The following ADA2 variants were observed in gnomAD, a reference collection of about 807,000 sequenced individuals.
ADA2 encodes the protein adenosine deaminase 2, also known as adenosine deaminase CECR1.
In ADA2, 29 loss-of-function variants were observed where a neutral mutation model predicts 44.2. The observed-to-expected ratio is 0.66, with a 90% CI of 0.49 to 0.89. The LOEUF (loss-of-function observed/expected upper bound fraction) is 0.89, where lower values mean the gene tolerates loss of function less well. Ranked by LOEUF, ADA2 falls within the 40% of genes least tolerant of loss-of-function variation. The pLI is 0.00. For synonymous variants in ADA2, 215 were observed against 234.9 expected, an observed-to-expected ratio of 0.92 and a Z score of 0.77; for missense variants, 637 against 644.8, an observed-to-expected ratio of 0.99 and a Z score of 0.13.
intron 1 of ADA2, among the ~76,000 whole-genome samples, chr22:17,217,520 T>C (rs2062485050): frequency 6.6e-6 from 1 of 152,222 alleles, no homozygotes; most frequent in Admixed American, 6.5e-5. Context: ...ACCTGGGTTA[T>C]CTATTTGAAT....
At chr22:17,192,989 C>A in intron 4 of ADA2, 2 of 632,090 alleles carry the variant, frequency 3.2e-6, no homozygotes, top group Non-Finnish European at 5.8e-6. Context: ...ACCAATACGT[C>A]AAAATTAACC....
chr22:17,181,445 G>T lies in ADA2; in HGVS notation c.*38C>A. On this transcript the variant is annotated 3_prime_UTR_variant, in exon 10 of 10. Transcript: ENST00000399837. ...CGAGTGAGAGGAAGTGACAGCGTGT[G>T]CAAGAAGACAGCTTGTAGAGGGCTG... 1 of 1,322,814 alleles carries T rather than the reference G, an allele frequency of 7.6e-7. No individual in the cohort carries two copies. The highest frequency in any genetic ancestry group is 1.1e-6 in the Non-Finnish European group (1 of 914,020). The allele number at this position is 1,322,814 out of a possible 1,614,324, so 81.9% of individuals were successfully genotyped here.
chr22:17,188,692 A>T, intron 6 of ADA2: 1 of 278,334 alleles, frequency 3.6e-6, no homozygotes, highest in South Asian at 5.4e-5. Flanking sequence ...ATCCTGGCTA[A>T]CACAGTGAAA....
intron 1 of ADA2, among the ~76,000 whole-genome samples, chr22:17,210,596 T>A (rs1272521406): frequency 6.6e-6 from 1 of 152,054 alleles, no homozygotes; most frequent in East Asian, 1.9e-4. Context: ...ATTTTATTTA[T>A]TTTAATTTTT....
intron 4 of ADA2, chr22:17,199,440 T>TTCCCCTCCCACCCCTCCACTATACACA: frequency 9.7e-7 from 1 of 1,027,942 alleles, no homozygotes; most frequent in Non-Finnish European, 1.5e-6. Context: ...CTCTATCCTC[T>TTCCCCTCCCACCCCTCCACTATACACA]TCCCCTCCAC....
In ADA2 at chr22:17,192,024, C is replaced by T. The variant is rs554581230; in HGVS notation, c.754-214G>A. 2.6e-5 allele frequency among the ~76,000 whole-genome samples: 4 copies of T among 151,688 alleles called. No homozygotes were observed. The South Asian group carries it at 6.3e-4, about 24-fold the overall frequency. On this transcript the variant is annotated intron_variant, in intron 4 of 9. Transcript: ENST00000399837. ...CAGTCAACTCCTTCCCAGCCATCAA[C>T]GAGCTCTGGGAAAAGTAGATGGGGT...
chr22:17,208,838 A>ATTTTTTTTTTTTTTTTTT (rs796662081), intron 2 of ADA2, among the ~76,000 whole-genome samples: 5 of 142,908 alleles, frequency 3.5e-5, no homozygotes, highest in African/African-American at 1.1e-4. Context: ...AAAAATTAAC[A>ATTTTTTTTTTTTTTTTTT]TTTTTTGGGG....
intron 9 of ADA2, 44 bp downstream of exon 9, chr22:17,181,776 G>A (rs769257505): frequency 1.3e-6 from 2 of 1,534,424 alleles, no homozygotes; most frequent in Admixed American, 1.7e-5. Context: ...ACAAGCTGCG[G>A]GCTGGAAGGA....
chr22:17,185,948 C>T (rs563412810), intron 7 of ADA2, among the ~76,000 whole-genome samples: 10 of 152,258 alleles, frequency 6.6e-5, no homozygotes, highest in African/African-American at 2.4e-4. Context: ...AAATTGCAGC[C>T]GTGATCTTTC....
rs1324070678 is a variant in ADA2 at position 17,207,175 on chromosome 22, G to C, written c.438C>G (p.Phe146Leu). ...GACGGGGAGTTGGGTGAGCAAATCT[G>C]AACTGCATGATCCCCCTTGGGGTGA... ...ICFTPRGIMQ[F>L]RFAHPTPRPS... Residue 146 changes from phenylalanine (F) to leucine (L), a missense_variant, in exon 3 of 10, where the codon TTC becomes TTG. By Grantham distance (22) the Phe-to-Leu change is conservative. Transcript: ENST00000399837. 1 of 1,614,196 alleles carries C rather than the reference G, an allele frequency of 6.2e-7. No homozygotes were observed. Among genetic ancestry groups the C allele is most frequent in the Non-Finnish European group, 8.5e-7 (1 of 1,180,006 alleles).
At chr22:17,197,275 T>C (rs957618201) in intron 4 of ADA2, among the ~76,000 whole-genome samples, 1 of 151,592 alleles carries the variant, frequency 6.6e-6, no homozygotes, top group African/African-American at 2.4e-5. Context: ...TTTTCTTTTT[T>C]TTTTTTGTCT....
At position 17,203,600 on chromosome 22, in the gene ADA2, T is replaced by A. The variant is rs1169590762; in HGVS notation, c.716A>T (p.Asn239Ile). The A allele has an allele frequency of 6.2e-7, 1 of 1,613,224 alleles. No homozygotes were observed. The highest frequency in any genetic ancestry group is 8.5e-7 in the Non-Finnish European group (1 of 1,180,008). The change falls in exon 4 of 10, where the codon AAC becomes ATC. Residue 239 changes from asparagine to isoleucine, a missense_variant. Asn to Ile is a moderately radical substitution (Grantham distance 149). Transcript: ENST00000399837. ...GGCTCTGATCTCCATGTAGAGCACGTTGTCCTCGTAGAACTCCTGCATGCT... is the reference window on the plus strand; with the variant it reads ...GGCTCTGATCTCCATGTAGAGCACGATGTCCTCGTAGAACTCCTGCATGCT... ...FRSMQEFYED[N>I]VLYMEIRARL...
rs139099560 is a variant in ADA2 at position 17,206,478 on chromosome 22, AAAT to A, written c.542+590_542+592del. Among the ~76,000 whole-genome samples the A allele has an allele frequency of 5.5e-3, 843 of 152,140 alleles. 5 individuals carry two copies. The highest frequency in any genetic ancestry group is 0.019 in the African/African-American group (800 of 41,492). ...GGGTGACAGAGCAAGACCCTGTCTC[AAAT>A]AATAATAATAATAAATAACAATAAT... On this transcript the variant is annotated intron_variant, in intron 3 of 9. Coordinates refer to ENST00000399837, the MANE Select transcript of ADA2 (RefSeq NM_001282225.2).
At position 17,180,529 on chromosome 22, in the gene ADA2, T is replaced by C. The variant is rs1046237733; in HGVS notation, c.*954A>G. The C allele has an allele frequency of 2.0e-5, 3 of 152,204 alleles. No individual in the cohort carries two copies. The highest frequency in any genetic ancestry group is 2.9e-5 in the Non-Finnish European group (2 of 68,076). 9.4% of individuals were successfully genotyped at this position (152,204 alleles called of 1,614,324 possible). A position where few individuals can be genotyped will look rare whatever the true frequency, so the allele number is the denominator to read the frequency against. On this transcript the variant is annotated 3_prime_UTR_variant, in exon 10 of 10. Transcript: ENST00000399837. ...GAAAGGTTTAAAGGGCTGAGTGTGG[T>C]GGCTCATGTCAGTAATCCCAGCACT...
chr22:17,183,179 G>A (rs1568967408), intron 7 of ADA2, among the ~76,000 whole-genome samples: 2 of 152,048 alleles, frequency 1.3e-5, no homozygotes, highest in South Asian at 2.1e-4. Flanking sequence ...CACCTCCCAG[G>A]TTCAAACAAT....
chr22:17,214,139 G>A (rs2123728028), intron 1 of ADA2: 1 of 732,326 alleles, frequency 1.4e-6, no homozygotes, highest in Non-Finnish European at 2.4e-6. Context: ...TACATTCCCA[G>A]AGTCAGCTGG....
chr22:17,213,953 C>T (rs1228417825), intron 1 of ADA2: 6 of 325,262 alleles, frequency 1.8e-5, no homozygotes, highest in Non-Finnish European at 2.9e-5. Flanking sequence ...GCAGGAGAAT[C>T]GCTTGAACCC....
chr22:17,201,904 A>G (rs2062291571), intron 4 of ADA2, among the ~76,000 whole-genome samples: 1 of 138,302 alleles, frequency 7.2e-6, no homozygotes, highest in Non-Finnish European at 1.6e-5. Context: ...GACTCTTTCT[A>G]CTCCTTTCCA....
upstream of ADA2, among the ~76,000 whole-genome samples, chr22:17,220,309 G>A (rs1048869902): frequency 2.0e-5 from 3 of 152,174 alleles, no homozygotes; most frequent in African/African-American, 7.2e-5. Flanking sequence ...CAAGGGACAA[G>A]TGGAGCAGAC....
Sources: allele counts gnomAD v4.1 joint callset (sites outside exome capture counted in the v4.1 genomes callset), GRCh38; gene constraint gnomAD v4.1.1; transcripts MANE v1.5; gene names NCBI Gene and HGNC (gene_info 2026-07-23, HGNC 2026-07-21).